Variants in MBD5 observed in about 807,000 individuals in gnomAD.
MBD5 encodes the protein methyl-CpG-binding domain protein 5.
Under a neutral mutation model 117.3 loss-of-function variants are expected in MBD5, and 13 were observed. That is an observed-to-expected ratio of 0.11 (90% CI 0.07 to 0.18). The LOEUF is 0.18. Ranked by LOEUF, MBD5 falls within the 10% of genes least tolerant of loss-of-function variation. The probability of loss-of-function intolerance (pLI) is 1.00; values close to 1 mark genes in which losing one functional copy is unlikely to be tolerated. For missense variants in MBD5, 1,879 were observed against 2,093.8 expected, an observed-to-expected ratio of 0.90 and a Z score of 2.00; for synonymous variants, 727 against 766.4, an observed-to-expected ratio of 0.95 and a Z score of 0.85.
intron 1 of MBD5, among the ~76,000 whole-genome samples, chr2:148,089,412 T>G (rs979163989): frequency 1.3e-5 from 2 of 152,018 alleles, no homozygotes; most frequent in African/African-American, 4.8e-5. Context: ...CATCACCACA[T>G]GAAACATTCT....
chr2:148,112,176 T>C (rs1336275738), intron 1 of MBD5, among the ~76,000 whole-genome samples: 2 of 152,176 alleles, frequency 1.3e-5, no homozygotes, highest in Admixed American at 1.3e-4. Flanking sequence ...TTATTGGAAC[T>C]TTTCTTAGGT....
At position 148,021,652 on chromosome 2, in the gene MBD5, AG is replaced by A; in HGVS notation, c.-954del. ...CCTTTGTGTCATCCTCCACAGCTCC[AG>A]GGAAGGCACTCAAAAGTGGGGGGCA... On this transcript the variant is annotated 5_prime_UTR_variant, in exon 1 of 14. Transcript: ENST00000642680. 1 of 401,628 alleles carries A rather than the reference AG, an allele frequency of 2.5e-6. No homozygotes were observed. Among genetic ancestry groups the A allele is most frequent in the East Asian group, 6.3e-5 (1 of 15,840 alleles). The allele number at this position is 401,628 out of a possible 1,614,324, so 24.9% of individuals were successfully genotyped here.
chr2:148,283,214 C>G (rs190985835), intron 3 of MBD5, among the ~76,000 whole-genome samples: 1 of 152,212 alleles, frequency 6.6e-6, no homozygotes, highest in African/African-American at 2.4e-5. Context: ...GATTGCATGT[C>G]TTTGTTACAG....
chr2:148,417,810 T>A (rs960808830), intron 4 of MBD5, among the ~76,000 whole-genome samples: 5 of 151,860 alleles, frequency 3.3e-5, no homozygotes, highest in African/African-American at 7.3e-5. Flanking sequence ...TGGGTTGGGT[T>A]TTTTTTTGTG....
intron 1 of MBD5, among the ~76,000 whole-genome samples, chr2:148,029,040 C>A (rs1305321482): frequency 6.6e-6 from 1 of 152,064 alleles, no homozygotes; most frequent in African/African-American, 2.4e-5. Context: ...ATTCAAACTT[C>A]AATTAAAGCT....
intron 1 of MBD5, among the ~76,000 whole-genome samples, chr2:148,166,418 C>T (rs1698126675): frequency 6.6e-6 from 1 of 152,132 alleles, no homozygotes; most frequent in Non-Finnish European, 1.5e-5. Context: ...TGATAAAAAT[C>T]AGGCATTACT....
At chr2:148,093,283 G>A (rs1471805379) in intron 1 of MBD5, among the ~76,000 whole-genome samples, 2 of 152,160 alleles carry the variant, frequency 1.3e-5, no homozygotes, top group Non-Finnish European at 2.9e-5. Context: ...AATCTCATAG[G>A]AGGCTATGCA....
intron 1 of MBD5, among the ~76,000 whole-genome samples, chr2:148,172,539 G>T (rs934155817): frequency 2.0e-5 from 3 of 152,162 alleles, no homozygotes; most frequent in African/African-American, 7.2e-5. Flanking sequence ...TAGCCTGGCT[G>T]CCCTGGTTGA....
intron 1 of MBD5, among the ~76,000 whole-genome samples, chr2:148,067,187 A>T (rs971841234): frequency 6.6e-6 from 1 of 152,236 alleles, no homozygotes; most frequent in Non-Finnish European, 1.5e-5. Context: ...CTGAATGTTC[A>T]TCAATTCAGC....
At chr2:148,447,203 GAAAGAAAGAAAGAAAGAAAGAAAGA>G (rs1706578629) in intron 4 of MBD5, among the ~76,000 whole-genome samples, 1 of 10,946 alleles carries the variant, frequency 9.1e-5, no homozygotes, top group East Asian at 0.1. Flanking sequence ...AAGAAAGAAA[GAAAGAAAGAAAGAAAGAAAGAAAGA>G]AAGAAAGGGA....
rs1422844177 is a variant in MBD5, at chr2:148,514,189, T to A, written c.*1248T>A. 2.0e-5 allele frequency: 3 copies of A among 152,138 alleles called. No homozygotes were observed. The highest frequency in any genetic ancestry group is 4.4e-5 in the Non-Finnish European group (3 of 68,026). 9.4% of individuals were successfully genotyped at this position (152,138 alleles called of 1,614,324 possible). On this transcript the variant is annotated 3_prime_UTR_variant, in exon 14 of 14. Transcript: ENST00000642680. ...CTTATATATATTAATGTGGCAAAAA[T>A]GTGCAGGTTAAATCTATTAACCAAA...
At chr2:148,451,429 CAG>C (rs1322656654) in intron 4 of MBD5, among the ~76,000 whole-genome samples, 1 of 151,928 alleles carries the variant, frequency 6.6e-6, no homozygotes, top group African/African-American at 2.4e-5. Context: ...AAAGGTGAAA[CAG>C]ATGGGGGGAG....
chr2:148,470,678 T>C (rs1680767766), intron 8 of MBD5: 1 of 538,482 alleles, frequency 1.9e-6, no homozygotes, highest in South Asian at 3.1e-5. Context: ...TTCCATTATT[T>C]GTTGTCAATC....
rs73013055 is a variant in MBD5, at chr2:148,281,756, A to C, written c.-680+48361A>C. 6.1e-3 allele frequency among the ~76,000 whole-genome samples: 923 copies of C among 152,204 alleles called. 8 individuals are homozygous for C. The highest frequency in any genetic ancestry group is 0.021 in the African/African-American group (857 of 41,544). On this transcript the variant is annotated intron_variant, in intron 3 of 13. Transcript: ENST00000642680. ...GGGTGGATTGACTTAAGTTTTAGGA[A>C]CTAGGATTTGTCTCCCTCCTCTGTC... is the stretch of plus-strand genomic sequence containing the variant.
chr2:148,423,002 A>C (rs1705654369), intron 4 of MBD5, among the ~76,000 whole-genome samples: 1 of 152,150 alleles, frequency 6.6e-6, no homozygotes, highest in Admixed American at 6.5e-5. Flanking sequence ...GTTGGAAAAC[A>C]CTCTTTAGGA....
At position 148,132,994 on chromosome 2, in the gene MBD5, T is replaced by C. The variant is rs570823569; in HGVS notation, c.-924-45706T>C. On this transcript the variant is annotated intron_variant, in intron 1 of 13. Transcript: ENST00000642680. ...TGTAACATATTATATATTGGTATACTAAAATACCTAAAAAGATTTTTTACC... is the reference window on the plus strand; with the variant it reads ...TGTAACATATTATATATTGGTATACCAAAATACCTAAAAAGATTTTTTACC... Among the ~76,000 whole-genome samples the C allele has an allele frequency of 8.0e-4, 122 of 152,268 alleles. 1 individual carries two copies. The highest frequency in any genetic ancestry group is 1.4e-3 in the South Asian group (7 of 4,830).
intron 4 of MBD5, among the ~76,000 whole-genome samples, chr2:148,390,511 GTA>G (rs982969459): frequency 3.4e-5 from 5 of 146,526 alleles, no homozygotes; most frequent in African/African-American, 7.6e-5. Context: ...GTGTGTGTAT[GTA>G]TATATGTGTG....
intron 3 of MBD5, among the ~76,000 whole-genome samples, chr2:148,272,804 A>G (rs1701017524): frequency 6.6e-6 from 1 of 151,950 alleles, no homozygotes; most frequent in African/African-American, 2.4e-5. Flanking sequence ...CCATTTATCT[A>G]TTTTTACTTT....
chr2:148,356,899 C>CTT (rs386391457), intron 4 of MBD5, among the ~76,000 whole-genome samples: 1 of 151,218 alleles, frequency 6.6e-6, no homozygotes, highest in Non-Finnish European at 1.5e-5. Context: ...CTTTTCTTTT[C>CTT]TTTTTTTTTA....
Sources: allele counts gnomAD v4.1 joint callset (sites outside exome capture counted in the v4.1 genomes callset), GRCh38; gene constraint gnomAD v4.1.1; transcripts MANE v1.5; gene names NCBI Gene and HGNC (gene_info 2026-07-23, HGNC 2026-07-21).